ATP8B1: variants seen among roughly 807,000 people sequenced by gnomAD.
ATP8B1 encodes ATPase phospholipid transporting 8B1, also known as phospholipid-transporting ATPase IC.
In ATP8B1, 80 loss-of-function variants were observed where a neutral mutation model predicts 149.9. The observed-to-expected ratio is 0.53, with a 90% confidence interval of 0.45 to 0.64. The LOEUF is 0.64. Ranked by LOEUF, ATP8B1 falls within the 30% of genes least tolerant of loss-of-function variation. The pLI is 0.00. For missense variants in ATP8B1, 1,247 were observed against 1,552.6 expected (o/e 0.80, Z 3.31); for synonymous variants, 536 against 562.8 (o/e 0.95, Z 0.67).
In ATP8B1 at chr18:57,722,346, G is replaced by A. The variant is rs1337694180; in HGVS notation, c.181+9281C>T. Among the ~76,000 whole-genome samples the A allele has an allele frequency of 6.7e-5, 10 of 149,196 alleles. No individual in the cohort carries two copies. In the East Asian group the frequency reaches 1.2e-3, roughly 18 times the overall value. On this transcript the variant is annotated intron_variant, in intron 2 of 27. Transcript: ENST00000648908. Reference sequence around the variant, plus strand: ...AAAGGATCAACAAAATTGATAGACCGCTAGCAAGATTAATAAAGAAAAAAA... The same window carrying A: ...AAAGGATCAACAAAATTGATAGACCACTAGCAAGATTAATAAAGAAAAAAA...
Position 57,661,159 on chromosome 18 carries a change from G to T in ATP8B1, c.2707+15C>A. ...TAGCACGTTGGGCCTCACTGGCCGT[G>T]GGTGCATGACTCACTTTTGATCATG... On this transcript the variant is annotated intron_variant, in intron 22 of 27. Coordinates refer to ENST00000648908, the MANE Select transcript of ATP8B1 (RefSeq NM_001374385.1). 2 of 1,612,546 alleles carry T rather than the reference G, an allele frequency of 1.2e-6. No individual in the cohort carries two copies. The highest frequency in any genetic ancestry group is 1.1e-5 in the South Asian group (1 of 91,054).
intron 10 of ATP8B1, 76 bp from the exon 11 acceptor site, chr18:57,694,746 T>C: frequency 3.8e-6 from 4 of 1,043,440 alleles, no homozygotes; most frequent in Non-Finnish European, 5.9e-6. Context: ...ATTACTCTTC[T>C]TGGCCAGGCA....
chr18:57,672,729 G>C (rs1217023356), intron 16 of ATP8B1, among the ~76,000 whole-genome samples: 1 of 150,898 alleles, frequency 6.6e-6, no homozygotes, highest in Non-Finnish European at 1.5e-5. Flanking sequence ...AACCAGGCAT[G>C]GTGGCACATG....
chr18:57,700,353 T>C (rs1294384663), intron 6 of ATP8B1, among the ~76,000 whole-genome samples: 1 of 152,164 alleles, frequency 6.6e-6, no homozygotes, highest in East Asian at 1.9e-4. Flanking sequence ...TGGCCATAAA[T>C]GAATGGCAGA....
chr18:57,691,342 A>T (rs964039636), intron 12 of ATP8B1, among the ~76,000 whole-genome samples: 1 of 152,168 alleles, frequency 6.6e-6, no homozygotes, highest in African/African-American at 2.4e-5. Context: ...TTTCTTTCCT[A>T]CTAGGAGGTA....
In ATP8B1 at chr18:57,784,767, T is replaced by A. The variant is rs925412171; in HGVS notation, c.-26+18231A>T. Among the ~76,000 whole-genome samples the A allele has an allele frequency of 1.3e-5, 2 of 152,196 alleles. No homozygotes were observed. Among genetic ancestry groups the A allele is most frequent in the African/African-American group, 4.8e-5 (2 of 41,448 alleles). On this transcript the variant is annotated intron_variant, in intron 1 of 27. Coordinates refer to ENST00000648908, the MANE Select transcript of ATP8B1 (RefSeq NM_001374385.1). The surrounding 1 kb of genome is among the most constrained non-coding windows in gnomAD (Gnocchi z 4.4). ...CTCCTACCCGTGGTTTAGGGTAGAA[T>A]TCCTCAGCCTCAACCCTAGTGACGT...
At chr18:57,666,390 A>G (rs1910856812) in intron 20 of ATP8B1, among the ~76,000 whole-genome samples, 1 of 152,070 alleles carries the variant, frequency 6.6e-6, no homozygotes, top group Non-Finnish European at 1.5e-5. Context: ...CCTTCCCGCA[A>G]AAGTTTTGGG....
At chr18:57,795,345 G>C (rs911511524) in intron 1 of ATP8B1, among the ~76,000 whole-genome samples, 1 of 149,902 alleles carries the variant, frequency 6.7e-6, no homozygotes, top group African/African-American at 2.5e-5. Context: ...CAAAGCTGCA[G>C]TAAGCTATGA....
At chr18:57,761,813 G>A (rs1240125748) in intron 1 of ATP8B1, among the ~76,000 whole-genome samples, 1 of 151,366 alleles carries the variant, frequency 6.6e-6, no homozygotes, top group East Asian at 2.0e-4. Flanking sequence ...AGCTGGGCAT[G>A]GTGGTACACA....
At chr18:57,764,609 G>C (rs2080192689) in intron 1 of ATP8B1, among the ~76,000 whole-genome samples, 1 of 151,604 alleles carries the variant, frequency 6.6e-6, no homozygotes, top group Non-Finnish European at 1.5e-5. Context: ...AGTAGAGATG[G>C]GGTTTTACCA....
intron 1 of ATP8B1, among the ~76,000 whole-genome samples, chr18:57,774,863 G>A (rs143077349): frequency 5.6e-4 from 85 of 152,220 alleles, no homozygotes; most frequent in Middle Eastern, 3.4e-3. Context: ...TATCATCAAC[G>A]TGTGATAAAT....
At chr18:57,780,199 C>T (rs1338613674) in intron 1 of ATP8B1, among the ~76,000 whole-genome samples, 1 of 152,148 alleles carries the variant, frequency 6.6e-6, no homozygotes, top group Non-Finnish European at 1.5e-5. Flanking sequence ...GTAAAGCAAA[C>T]ATTAGTTTTT....
At chr18:57,717,381 TAAAAAAATAC>T (rs1024991497) in intron 2 of ATP8B1, among the ~76,000 whole-genome samples, 17 of 150,374 alleles carry the variant, frequency 1.1e-4, no homozygotes, top group African/African-American at 3.7e-4. Context: ...CCATTGCTAC[TAAAAAAATAC>T]AAAAAACTTA....
intron 20 of ATP8B1, among the ~76,000 whole-genome samples, chr18:57,666,380 C>T (rs867708915): frequency 3.2e-4 from 49 of 152,210 alleles, no homozygotes; most frequent in African/African-American, 8.4e-4. Context: ...CCACACATTT[C>T]CTTCCCGCAA....
chr18:57,719,049 G>A (rs1158451489), intron 2 of ATP8B1, among the ~76,000 whole-genome samples: 1 of 152,134 alleles, frequency 6.6e-6, no homozygotes, highest in African/African-American at 2.4e-5. Flanking sequence ...AATTGGAAAG[G>A]AATAAGTCAA....
chr18:57,772,707 A>G (rs1976587), intron 1 of ATP8B1, among the ~76,000 whole-genome samples: 120,243 of 152,062 alleles, frequency 0.79, 47,888 homozygotes, highest in East Asian at 0.94. Context: ...TTAAAGTCTA[A>G]GGTAAGGCAG....
At chr18:57,747,980 C>T (rs1312390085) in intron 1 of ATP8B1, among the ~76,000 whole-genome samples, 2 of 152,314 alleles carry the variant, frequency 1.3e-5, no homozygotes, top group Middle Eastern at 3.4e-3. Flanking sequence ...GAAATATCTA[C>T]AGAGCTTCCT....
intron 15 of ATP8B1, among the ~76,000 whole-genome samples, chr18:57,675,280 C>A (rs549444227): frequency 6.6e-6 from 1 of 152,284 alleles, no homozygotes; most frequent in East Asian, 1.9e-4. Flanking sequence ...ATCCCACCAT[C>A]CACAGGAGAA....
intron 1 of ATP8B1, among the ~76,000 whole-genome samples, chr18:57,785,853 C>T (rs1434481291): frequency 1.3e-5 from 2 of 152,070 alleles, no homozygotes; most frequent in African/African-American, 2.4e-5. Flanking sequence ...TTATGAAGTC[C>T]AAGAAAGAAC....
Sources: allele counts gnomAD v4.1 joint callset (sites outside exome capture counted in the v4.1 genomes callset), GRCh38; gene constraint gnomAD v4.1.1; non-coding constraint Gnocchi (gnomAD v3.1); transcripts MANE v1.5; gene names NCBI Gene and HGNC (gene_info 2026-07-23, HGNC 2026-07-21).